The following SPECC1 variants were observed in gnomAD, a reference collection of about 807,000 sequenced individuals.
SPECC1 encodes the protein sperm antigen with calponin homology and coiled-coil domains 1, also known as cytospin-B.
SPECC1 carries 62 observed loss-of-function variants against 104.1 expected under a neutral mutation model. The ratio of observed to expected loss-of-function variants is 0.60; its 90% CI spans 0.49 to 0.74. The LOEUF is 0.74. Ranked by LOEUF, SPECC1 falls within the 30% of genes least tolerant of loss-of-function variation. The pLI is 0.00. For synonymous variants in SPECC1, 513 were observed against 501.6 expected, an observed-to-expected ratio of 1.02 and a Z score of -0.30; for missense variants, 1,306 against 1,310.5, an observed-to-expected ratio of 1.00 and a Z score of 0.05.
chr17:20,129,258 C>T (rs1413178679), intron 3 of SPECC1, among the ~76,000 whole-genome samples: 10 of 151,552 alleles, frequency 6.6e-5, no homozygotes, highest in Non-Finnish European at 1.5e-5. Flanking sequence ...CATCTCGGCT[C>T]ACTGCAAGCT....
At chr17:20,064,302 GTGTGATGAAACT>G (rs1470178546) in intron 1 of SPECC1, among the ~76,000 whole-genome samples, 10 of 152,210 alleles carry the variant, frequency 6.6e-5, no homozygotes, top group Admixed American at 6.5e-4. Context: ...ACACCACCAA[GTGTGATGAAACT>G]TGTGGGGGAT....
At chr17:20,184,294 A>G (rs1215834536) in intron 3 of SPECC1, among the ~76,000 whole-genome samples, 1 of 151,984 alleles carries the variant, frequency 6.6e-6, no homozygotes, top group African/African-American at 2.4e-5. Flanking sequence ...GACAAATATA[A>G]CTCACAAGAG....
chr17:20,040,363 G>A (rs1448825243), intron 1 of SPECC1, among the ~76,000 whole-genome samples: 1 of 152,064 alleles, frequency 6.6e-6, no homozygotes, highest in Non-Finnish European at 1.5e-5. Flanking sequence ...TAATTTAGAA[G>A]TCTTAAGAGG....
At chr17:20,303,558 G>A (rs2041660947) in intron 13 of SPECC1, among the ~76,000 whole-genome samples, 1 of 152,178 alleles carries the variant, frequency 6.6e-6, no homozygotes, top group Non-Finnish European at 1.5e-5. Context: ...AGATGTTCAA[G>A]CAAGGGTAGA....
rs1402766521 is a variant in SPECC1, at chr17:20,009,390, C to G, written c.-56C>G. ...CAGTGAGCGCCCGGAGCCGTGGCCG[C>G]TGGGGGTTGCGGCGGCGCTGAGCCA... On this transcript the variant is annotated 5_prime_UTR_variant, in exon 1 of 15. Coordinates refer to ENST00000395527, the MANE Select transcript of SPECC1 (RefSeq NM_001243439.2). The surrounding 1 kb of genome is among the most constrained non-coding windows in gnomAD (Gnocchi z 5.2). 2.6e-5 allele frequency: 4 copies of G among 152,126 alleles called. No homozygotes were observed. The highest frequency in any genetic ancestry group is 9.7e-5 in the African/African-American group (4 of 41,440). 9.4% of individuals were successfully genotyped at this position (152,126 alleles called of 1,614,324 possible). A position where few individuals can be genotyped will look rare whatever the true frequency, so the allele number is the denominator to read the frequency against.
chr17:20,270,913 TTTC>T (rs1459853899), intron 12 of SPECC1, among the ~76,000 whole-genome samples: 1 of 152,212 alleles, frequency 6.6e-6, no homozygotes, highest in African/African-American at 2.4e-5. Context: ...GAAAATGGCA[TTTC>T]TTTTAATTTT....
chr17:20,188,446 C>T (rs564571586), intron 3 of SPECC1, among the ~76,000 whole-genome samples: 4 of 151,976 alleles, frequency 2.6e-5, no homozygotes, highest in African/African-American at 9.6e-5. Context: ...TTAGTAGAGA[C>T]GGGGTTTCAC....
chr17:20,018,311 A>G (rs148185762), intron 1 of SPECC1, among the ~76,000 whole-genome samples: 220 of 152,274 alleles, frequency 1.4e-3, no homozygotes, highest in Middle Eastern at 6.8e-3. Context: ...CTTGTTTTCC[A>G]GGTTTCTTTT....
At chr17:20,030,794 C>G (rs1023303418) in intron 1 of SPECC1, among the ~76,000 whole-genome samples, 3 of 152,136 alleles carry the variant, frequency 2.0e-5, no homozygotes, top group African/African-American at 4.8e-5. Context: ...TTTTGTTTCT[C>G]TGGGATGTCT....
intron 3 of SPECC1, among the ~76,000 whole-genome samples, chr17:20,154,330 GC>G (rs377713487): frequency 4.6e-5 from 7 of 152,174 alleles, no homozygotes; most frequent in African/African-American, 1.4e-4. Context: ...GATGAGAGAA[GC>G]CCCCTTAGTA....
chr17:20,107,653 C>T (rs572339456), intron 2 of SPECC1, among the ~76,000 whole-genome samples: 45 of 151,950 alleles, frequency 3.0e-4, no homozygotes, highest in Non-Finnish European at 4.7e-4. Context: ...GATGGGGTTT[C>T]ACCATGTTGA....
At chr17:20,191,348 A>G (rs1042668268) in intron 3 of SPECC1, among the ~76,000 whole-genome samples, 7 of 152,202 alleles carry the variant, frequency 4.6e-5, no homozygotes, top group East Asian at 3.8e-4. Flanking sequence ...CCTACCAGCA[A>G]TGAGTCCCGG....
intron 3 of SPECC1, among the ~76,000 whole-genome samples, chr17:20,164,026 G>A (rs1026167714): frequency 1.3e-5 from 2 of 152,030 alleles, no homozygotes; most frequent in Non-Finnish European, 2.9e-5. Context: ...ATTCTATAAT[G>A]CAGATATTTC....
intron 12 of SPECC1, among the ~76,000 whole-genome samples, chr17:20,277,424 A>G (rs1237348600): frequency 1.3e-5 from 2 of 152,176 alleles, no homozygotes; most frequent in Non-Finnish European, 2.9e-5. Flanking sequence ...AAATGAAAGT[A>G]TGTTTAATTT....
chr17:20,098,544 C>A (rs2047763433), intron 2 of SPECC1, among the ~76,000 whole-genome samples: 1 of 152,360 alleles, frequency 6.6e-6, no homozygotes, highest in African/African-American at 2.4e-5. Flanking sequence ...CAGGGCCCAA[C>A]CCTGTCCCCT....
chr17:20,065,194 A>G (rs1215630230), intron 1 of SPECC1, among the ~76,000 whole-genome samples: 1 of 152,148 alleles, frequency 6.6e-6, no homozygotes, highest in Non-Finnish European at 1.5e-5. Flanking sequence ...GACCAAATGT[A>G]TGGGGGTTTC....
At chr17:20,219,234 T>C (rs1220930258) in intron 4 of SPECC1, among the ~76,000 whole-genome samples, 4 of 152,218 alleles carry the variant, frequency 2.6e-5, no homozygotes, top group African/African-American at 4.8e-5. Flanking sequence ...CTGTACTGTT[T>C]TCCATAGTGG....
intron 12 of SPECC1, among the ~76,000 whole-genome samples, chr17:20,277,892 G>A (rs1379772125): frequency 6.6e-6 from 1 of 152,200 alleles, no homozygotes; most frequent in Non-Finnish European, 1.5e-5. Context: ...TTATGTTGTG[G>A]CGTGTGTCAG....
At chr17:20,082,395 T>C (rs148729051) in intron 1 of SPECC1, among the ~76,000 whole-genome samples, 2 of 151,944 alleles carry the variant, frequency 1.3e-5, no homozygotes, top group African/African-American at 4.8e-5. Context: ...ATCCCAGGAG[T>C]TTGAGACCAG....
Sources: gnomAD v4.1 joint callset for allele counts (sites outside exome capture counted in the v4.1 genomes callset) on GRCh38, gnomAD v4.1.1 for gene constraint, Gnocchi (gnomAD v3.1) non-coding constraint, MANE v1.5 for transcripts, NCBI Gene and HGNC (gene_info 2026-07-23, HGNC 2026-07-21) for gene names.